The following ADAMTS13 variants were observed in gnomAD, a reference collection of about 807,000 sequenced individuals.
The protein encoded by ADAMTS13 is ADAM metallopeptidase with thrombospondin type 1 motif 13, also known as A disintegrin and metalloproteinase with thrombospondin motifs 13.
Under a neutral mutation model 155.1 loss-of-function variants are expected in ADAMTS13, and 110 were observed. The observed-to-expected ratio is 0.71, with a 90% CI of 0.61 to 0.83. The LOEUF (loss-of-function observed/expected upper bound fraction) is 0.83. Among genes scored for constraint, ADAMTS13 ranks in the 40% least tolerant of loss-of-function variants. The pLI, the probability that ADAMTS13 is intolerant of heterozygous loss-of-function variation, is 0.00. For missense variants in ADAMTS13, 1,707 were observed against 1,891.7 expected (o/e 0.90, Z 1.81); for synonymous variants, 758 against 756.4 (o/e 1.00, Z -0.03).
At chr9:133,426,092 A>G in intron 5 of ADAMTS13, 30 bp downstream of exon 5, 1 of 1,613,978 alleles carries the variant, frequency 6.2e-7, no homozygotes, top group Admixed American at 1.7e-5. Flanking sequence ...GGTGCTGGCC[A>G]GCCAGCCTGG....
chr9:133,430,962 G>A (rs1301571035), intron 8 of ADAMTS13, among the ~76,000 whole-genome samples: 1 of 138,750 alleles, frequency 7.2e-6, no homozygotes, highest in Non-Finnish European at 1.7e-5. Flanking sequence ...GCCCCGCCAA[G>A]TCTTTTTTTT....
chr9:133,450,132 T>TC (rs1564438652), intron 23 of ADAMTS13, among the ~76,000 whole-genome samples, 167 bp downstream of exon 23: 3 of 147,232 alleles, frequency 2.0e-5, no homozygotes. Flanking sequence ...ACCTCATCTC[T>TC]AAAAAAAAAA....
In ADAMTS13 at chr9:133,445,715, C is replaced by T. The variant is rs1554792345; in HGVS notation, c.2627C>T (p.Ala876Val). Residue 876 changes from alanine to valine, a missense_variant, in exon 21 of 29, where the codon GCA becomes GTA. Coordinates refer to ENST00000355699, the MANE Select transcript of ADAMTS13 (RefSeq NM_139027.6). The surrounding 1 kb of genome is among the most constrained non-coding windows in gnomAD (Gnocchi z 5.0). ...TCCCCACAGCTGGATGCCACCTCTG[C>T]AGGGGAGAAGGCTCCCTCCCCATGG... ...PGWGHLDATS[A>V]GEKAPSPWGS... 1.2e-6 allele frequency: 2 copies of T among 1,613,000 alleles called. No individual in the cohort carries two copies. Among genetic ancestry groups the T allele is most frequent in the Non-Finnish European group, 1.7e-6 (2 of 1,179,808 alleles).
Position 133,448,714 on chromosome 9 carries a change from C to G in ADAMTS13, c.2847C>G (p.Val949=). The G allele has an allele frequency of 6.2e-7, 1 of 1,602,124 alleles. No individual in the cohort carries two copies. The highest frequency in any genetic ancestry group is 1.7e-5 in the Admixed American group (1 of 60,008). Residue 949 remains valine, a synonymous_variant, in exon 22 of 29, where the codon GTC becomes GTG. Transcript: ENST00000355699. ...PGSRREVCQA[V]PCPARWQYKL... is the part of the protein sequence containing the mutation. ...GCCGGCGGGAGGTCTGCCAGGCTGTCCCGTGCCCTGCTCGGTGAGTGAGGG... is the reference window on the plus strand; with the variant it reads ...GCCGGCGGGAGGTCTGCCAGGCTGTGCCGTGCCCTGCTCGGTGAGTGAGGG...
In ADAMTS13 at chr9:133,427,814, C is replaced by G. The variant is rs587611140; in HGVS notation, c.687-820C>G. Among the ~76,000 whole-genome samples, 5 of 152,244 alleles carry G rather than the reference C, an allele frequency of 3.3e-5. No homozygotes were observed. In the South Asian group the frequency reaches 1.0e-3, roughly 32 times the overall value. On this transcript the variant is annotated intron_variant, in intron 6 of 28. Transcript: ENST00000355699. The stretch of plus-strand genomic sequence containing the variant: ...CAGGGCTGCAGTCCTAGTTAATACC[C>G]ACTTCTAATTATATGCAAATTAAGG...
Position 133,432,219 on chromosome 9 carries a change from C to T in ADAMTS13, c.988-369C>T, listed in dbSNP as rs587661682. On this transcript the variant is annotated intron_variant, in intron 8 of 28. Transcript: ENST00000355699. Reference sequence around the variant, plus strand: ...GGCAGAGGTTGAGGTGAGCCAAGATCGCGCCATTGCCCTCCAGCCTGGGCA... The same window carrying T: ...GGCAGAGGTTGAGGTGAGCCAAGATTGCGCCATTGCCCTCCAGCCTGGGCA... Among the ~76,000 whole-genome samples, 3 of 152,208 alleles carry T rather than the reference C, an allele frequency of 2.0e-5. No homozygotes were observed. In the South Asian group the frequency reaches 6.2e-4, roughly 32 times the overall value.
intron 1 of ADAMTS13, chr9:133,414,707 T>C: frequency 6.2e-7 from 1 of 1,614,128 alleles, no homozygotes; most frequent in South Asian, 1.1e-5. Flanking sequence ...TTTCCGCTTC[T>C]TATGCTCGAT....
intron 8 of ADAMTS13, among the ~76,000 whole-genome samples, chr9:133,430,643 A>G (rs1452802985): frequency 6.6e-6 from 1 of 152,158 alleles, no homozygotes; most frequent in Non-Finnish European, 1.5e-5. Context: ...ATATTCTTAT[A>G]CAATGTATAA....
At chr9:133,419,479 G>A (rs143523476), upstream of ADAMTS13, among the ~76,000 whole-genome samples, 110 of 152,316 alleles carry the variant, frequency 7.2e-4, 1 homozygote, top group East Asian at 0.019. Flanking sequence ...TTCATCCAAA[G>A]AGAGAGTACC....
In ADAMTS13 at chr9:133,447,630, C is replaced by T. The variant is rs183607793; in HGVS notation, c.2732-969C>T. On this transcript the variant is annotated intron_variant, in intron 21 of 28. Coordinates refer to ENST00000355699, the MANE Select transcript of ADAMTS13 (RefSeq NM_139027.6). ...GAGACTAAGAGTTTTCCTCTGTCGC[C>T]CAGGCTGAAGTGCAGTGGTGTGATC... Among the ~76,000 whole-genome samples the T allele has an allele frequency of 2.6e-3, 400 of 151,656 alleles. 2 individuals carry two copies. The highest frequency in any genetic ancestry group is 9.1e-3 in the African/African-American group (374 of 41,302).
Position 133,456,233 on chromosome 9 carries a change from C to G in ADAMTS13, c.3547+18C>G, listed in dbSNP as rs1205524822. 1.2e-6 allele frequency: 2 copies of G among 1,613,148 alleles called. No homozygotes were observed. Among genetic ancestry groups the G allele is most frequent in the Non-Finnish European group, 1.7e-6 (2 of 1,180,030 alleles). On this transcript the variant is annotated intron_variant, in intron 26 of 28. Transcript: ENST00000355699. The surrounding 1 kb of genome is among the most constrained non-coding windows in gnomAD (Gnocchi z 4.4). ...CAGTGCGGGTATGTCTAGGGCCATG[C>G]AAGCGATGCTGCCAGTTATGGGCCC...
At chr9:133,414,453 T>C (rs1057276773) in exon 1 of ADAMTS13, 3 of 699,950 alleles carry the variant, frequency 4.3e-6, no homozygotes, top group Non-Finnish European at 7.8e-6. Flanking sequence ...CACTAAATGC[T>C]GAGCTCTGCT....
At chr9:133,436,238 G>A (rs182624266) in intron 11 of ADAMTS13, among the ~76,000 whole-genome samples, 2 of 151,986 alleles carry the variant, frequency 1.3e-5, no homozygotes, top group East Asian at 3.9e-4. Flanking sequence ...GTCCCTGGCT[G>A]TATTACAGTT....
rs1484324712 is a variant in ADAMTS13 at position 133,441,063 on chromosome 9, TGG to T, written c.1968+540_1968+541del. ...CACTGCTTCTTTGGTGCAGTGTGTG[TGG>T]GAACCGGAAGGCCTTGTTCAGGCGT... is the stretch of plus-strand genomic sequence containing the variant. On this transcript the variant is annotated intron_variant, in intron 16 of 28. Transcript: ENST00000355699. This position sits in a 1 kb window ranked among gnomAD's most constrained non-coding sequence, Gnocchi z 5.0. Among the ~76,000 whole-genome samples, 1 of 152,092 alleles carries T rather than the reference TGG, an allele frequency of 6.6e-6. No individual in the cohort carries two copies. Among genetic ancestry groups the T allele is most frequent in the East Asian group, 1.9e-4 (1 of 5,192 alleles).
chr9:133,443,639 G>A (rs1462974783), intron 19 of ADAMTS13, 78 bp downstream of exon 19: 1 of 1,424,560 alleles, frequency 7.0e-7, no homozygotes, highest in Non-Finnish European at 9.2e-7. Context: ...CCATCCTTCT[G>A]AGAATCCCCT....
chr9:133,415,305 G>A (rs1004657731), intron 1 of ADAMTS13, among the ~76,000 whole-genome samples: 2 of 152,044 alleles, frequency 1.3e-5, no homozygotes, highest in African/African-American at 2.4e-5. Flanking sequence ...GGTACCTGTT[G>A]AGTGGCTGGA....
intron 11 of ADAMTS13, among the ~76,000 whole-genome samples, chr9:133,436,094 C>T (rs979310848): frequency 1.1e-4 from 17 of 150,098 alleles, no homozygotes; most frequent in African/African-American, 3.7e-4. Flanking sequence ...TGGGATTACA[C>T]GCGTGAGCCA....
chr9:133,438,043 G>T, intron 13 of ADAMTS13, 146 bp downstream of exon 13: 1 of 1,521,034 alleles, frequency 6.6e-7, no homozygotes, highest in East Asian at 2.3e-5. Context: ...ATCTGGACTT[G>T]GAGTCAGCCT....
chr9:133,454,503 G>A lies in ADAMTS13; in HGVS notation c.3133G>A (p.Gly1045Ser), dbSNP rs782789479. Residue 1045 changes from glycine to serine, a missense_variant, in exon 24 of 29, where the codon GGC becomes AGC. Gly to Ser is a moderately conservative substitution (Grantham distance 56). Coordinates refer to ENST00000355699, the MANE Select transcript of ADAMTS13 (RefSeq NM_139027.6). ...GGTGGCCTGTGTGCAGCTCGACCAA[G>A]GCCAGGACGTGGAGGTGGACGAGGC... ...RSVACVQLDQGQDVEVDEAAC... is the reference protein window; with the variant it reads ...RSVACVQLDQSQDVEVDEAAC... 1 of 1,612,616 alleles carries A rather than the reference G, an allele frequency of 6.2e-7. No individual in the cohort carries two copies. The highest frequency in any genetic ancestry group is 1.1e-5 in the South Asian group (1 of 91,090).
Sources: allele counts gnomAD v4.1 joint callset (sites outside exome capture counted in the v4.1 genomes callset), GRCh38; gene constraint gnomAD v4.1.1; non-coding constraint Gnocchi (gnomAD v3.1); transcripts MANE v1.5; gene names NCBI Gene and HGNC (gene_info 2026-07-23, HGNC 2026-07-21).